EHBP1: variants seen among roughly 807,000 people sequenced by gnomAD.
EHBP1 encodes EH domain binding protein 1, also known as EH domain-binding protein 1.
Under a neutral mutation model 144.0 loss-of-function variants are expected in EHBP1, and 55 were observed. That is an observed-to-expected ratio of 0.38 (90% CI 0.31 to 0.48). The LOEUF is 0.48. EHBP1 is among the 20% of genes least tolerant of loss of function. The pLI, the probability that EHBP1 is intolerant of heterozygous loss-of-function variation, is 0.98. For synonymous variants in EHBP1, 469 were observed against 472.7 expected (o/e 0.99, Z 0.10); for missense variants, 1,200 against 1,364.2 (o/e 0.88, Z 1.90).
intron 19 of EHBP1, among the ~76,000 whole-genome samples, chr2:63,008,847 TAA>T (rs2060155106): frequency 1.3e-5 from 2 of 151,658 alleles, no homozygotes; most frequent in Non-Finnish European, 3.0e-5. Context: ...TTCTGTGATC[TAA>T]GTGTTGAATG....
chr2:63,040,287 G>A (rs557118618), intron 21 of EHBP1, among the ~76,000 whole-genome samples: 8 of 151,780 alleles, frequency 5.3e-5, no homozygotes, highest in East Asian at 3.9e-4. Flanking sequence ...ACACTTTCAC[G>A]TATAAAAAGA....
chr2:62,911,920 ATACTT>A (rs1161305749), intron 10 of EHBP1, among the ~76,000 whole-genome samples: 7 of 152,342 alleles, frequency 4.6e-5, no homozygotes, highest in South Asian at 2.1e-4. Flanking sequence ...TTCAATGAGA[ATACTT>A]TAAACGAATC....
chr2:62,726,717 G>A (rs1010127622), intron 2 of EHBP1: 2 of 152,160 alleles, frequency 1.3e-5, no homozygotes, highest in East Asian at 1.9e-4. Flanking sequence ...GTGAACAATC[G>A]ATTGAGATAA....
At chr2:62,889,362 AT>A (rs1422268955) in intron 10 of EHBP1, among the ~76,000 whole-genome samples, 1 of 151,220 alleles carries the variant, frequency 6.6e-6, no homozygotes, top group Non-Finnish European at 1.5e-5. Flanking sequence ...TGTTTACTCT[AT>A]TGATAGTTTC....
chr2:62,893,228 C>G (rs1211363930), intron 10 of EHBP1, among the ~76,000 whole-genome samples: 1 of 152,086 alleles, frequency 6.6e-6, no homozygotes, highest in Non-Finnish European at 1.5e-5. Context: ...TTATATAGTT[C>G]AAAACAACAT....
chr2:62,784,906 C>T (rs530642244), intron 5 of EHBP1, among the ~76,000 whole-genome samples: 1 of 152,216 alleles, frequency 6.6e-6, no homozygotes, highest in East Asian at 1.9e-4. Flanking sequence ...TAGATTTGCC[C>T]ACTGGACCCT....
At chr2:62,731,345 A>G (rs1040312499) in intron 2 of EHBP1, among the ~76,000 whole-genome samples, 1 of 152,280 alleles carries the variant, frequency 6.6e-6, no homozygotes, top group Admixed American at 6.5e-5. Context: ...AGACAATCCT[A>G]TCACACGCAA....
At chr2:62,884,296 G>T (rs1402126459) in intron 10 of EHBP1, among the ~76,000 whole-genome samples, 1 of 152,140 alleles carries the variant, frequency 6.6e-6, no homozygotes, top group Non-Finnish European at 1.5e-5. Flanking sequence ...TGTTTGTTAT[G>T]CTAATAGAGG....
rs560144010 is a variant in EHBP1 at position 62,881,430 on chromosome 2, A to C, written c.1185+6898A>C. Among the ~76,000 whole-genome samples the C allele has an allele frequency of 5.9e-5, 9 of 151,486 alleles. No individual in the cohort carries two copies. The South Asian group carries it at 1.7e-3, about 28-fold the overall frequency. ...GAAAGGAAAAACGGAAAAAAAAAAA[A>C]AAAAAAAAAGAAGGAAAGGAAAGGG... On this transcript the variant is annotated intron_variant, in intron 10 of 22. Coordinates refer to ENST00000431489, the MANE Select transcript of EHBP1 (RefSeq NM_001142616.3).
intron 2 of EHBP1, among the ~76,000 whole-genome samples, chr2:62,743,109 A>C (rs1039591264): frequency 9.2e-5 from 14 of 152,094 alleles, no homozygotes; most frequent in African/African-American, 3.1e-4. Context: ...AGAAATATTA[A>C]AATCTATATG....
chr2:62,741,291 G>A (rs544915808), intron 2 of EHBP1, among the ~76,000 whole-genome samples: 7 of 152,266 alleles, frequency 4.6e-5, no homozygotes, highest in Admixed American at 2.6e-4. Flanking sequence ...GAAAGGTCTG[G>A]GAGTAGGGTG....
At chr2:62,734,718 CT>C (rs1340410305) in intron 2 of EHBP1, among the ~76,000 whole-genome samples, 3 of 151,838 alleles carry the variant, frequency 2.0e-5, no homozygotes, top group Non-Finnish European at 4.4e-5. Context: ...TTCTTTGTAC[CT>C]TTTTTCCACT....
chr2:63,045,283 T>TC lies in EHBP1; in HGVS notation c.3392+106dup. On this transcript the variant is annotated intron_variant, in intron 22 of 22. Transcript: ENST00000431489. The surrounding 1 kb of genome is among the most constrained non-coding windows in gnomAD (Gnocchi z 5.7). ...AGGTCGCGGGAGGGCCGGGGCAGCC[T>TC]CCCACTGGCCTGGTGCTCCCCATTC... The TC allele has an allele frequency of 7.3e-7, 1 of 1,371,082 alleles. No homozygotes were observed. Among genetic ancestry groups the TC allele is most frequent in the Non-Finnish European group, 1.0e-6 (1 of 983,920 alleles). The allele number at this position is 1,371,082 out of a possible 1,614,324, so 84.9% of individuals were successfully genotyped here.
intron 20 of EHBP1, 135 bp downstream of exon 20, chr2:63,037,769 T>A (rs2061498600): frequency 5.7e-6 from 3 of 524,102 alleles, no homozygotes; most frequent in Non-Finnish European, 9.8e-6. Flanking sequence ...TATAAAAAAA[T>A]AAAAAATAGT....
intron 2 of EHBP1, among the ~76,000 whole-genome samples, chr2:62,730,771 C>T (rs111765463): frequency 1.3e-4 from 18 of 139,036 alleles, no homozygotes; most frequent in African/African-American, 3.8e-4. Flanking sequence ...GAGAGACAGA[C>T]AAAGAGACAG....
At chr2:62,707,354 A>G in intron 2 of EHBP1, 59 bp downstream of exon 2, 1 of 1,252,470 alleles carries the variant, frequency 8.0e-7, no homozygotes, top group Non-Finnish European at 1.2e-6. Context: ...CTGTGGCCTA[A>G]ACTCTGGGTC....
At chr2:62,694,398 T>G (rs1374961819) in intron 1 of EHBP1, among the ~76,000 whole-genome samples, 1 of 152,122 alleles carries the variant, frequency 6.6e-6, no homozygotes, top group Non-Finnish European at 1.5e-5. Context: ...TCATTCTGCC[T>G]TCATGTTTTC....
rs537449687 is a variant in EHBP1 at position 62,891,603 on chromosome 2, A to G, written c.1185+17071A>G. ...GATATTCTTTAACTGGCTTATATACAGAGAGTCAGACTACTGTGGGACATG... is the reference window on the plus strand; with the variant it reads ...GATATTCTTTAACTGGCTTATATACGGAGAGTCAGACTACTGTGGGACATG... On this transcript the variant is annotated intron_variant, in intron 10 of 22. Transcript: ENST00000431489. Among the ~76,000 whole-genome samples, 7 of 152,296 alleles carry G rather than the reference A, an allele frequency of 4.6e-5. No homozygotes were observed. The South Asian group carries it at 1.0e-3, about 23-fold the overall frequency.
intron 10 of EHBP1, among the ~76,000 whole-genome samples, chr2:62,883,063 C>G (rs2051609028): frequency 6.6e-6 from 1 of 151,634 alleles, no homozygotes; most frequent in Admixed American, 6.6e-5. Flanking sequence ...CTGTCTATAC[C>G]ATTATCTCTG....
Sources: gnomAD v4.1 joint callset for allele counts (sites outside exome capture counted in the v4.1 genomes callset) on GRCh38, gnomAD v4.1.1 for gene constraint, Gnocchi (gnomAD v3.1) non-coding constraint, MANE v1.5 for transcripts, NCBI Gene and HGNC (gene_info 2026-07-23, HGNC 2026-07-21) for gene names.